TENM3: variants seen among roughly 807,000 people sequenced by gnomAD.
The protein encoded by TENM3 is teneurin transmembrane protein 3, also known as teneurin-3.
TENM3 carries 63 observed loss-of-function variants against 255.1 expected under a neutral mutation model. The ratio of observed to expected loss-of-function variants is 0.25; its 90% CI spans 0.20 to 0.30. The LOEUF is 0.30. Ranked by LOEUF, TENM3 falls within the 10% of genes least tolerant of loss-of-function variation. TENM3 has a pLI of 1.00. For missense variants in TENM3, 2,929 were observed against 3,461.1 expected (o/e 0.85, Z 3.86); for synonymous variants, 1,306 against 1,322.3 (o/e 0.99, Z 0.27).
chr4:182,072,240 T>C, the TENM3 span, among the ~76,000 whole-genome samples: 19 of 152,344 alleles, frequency 1.2e-4, 1 homozygote, highest in Admixed American at 1.2e-3. Context: ...AGCTCTCCAG[T>C]ATTTCTTCTA....
At chr4:181,581,487 T>C in the TENM3 span, among the ~76,000 whole-genome samples, 1 of 152,114 alleles carries the variant, frequency 6.6e-6, no homozygotes, top group South Asian at 2.1e-4. Context: ...AGTTTGTTCT[T>C]CAAATATCCC....
the TENM3 span, among the ~76,000 whole-genome samples, chr4:182,114,310 TAGAATTTAGTCTGAGA>T: frequency 1.2e-5 from 1 of 82,186 alleles, no homozygotes; most frequent in Non-Finnish European, 2.8e-5. Context: ...ATGAAATGCA[TAGAATTTAGTCTGAGA>T]ATTTTTGACA....
chr4:182,030,171 A>T, the TENM3 span, among the ~76,000 whole-genome samples: 493 of 151,918 alleles, frequency 3.2e-3, 5 homozygotes, highest in African/African-American at 0.011. Flanking sequence ...GCACCTATCA[A>T]CCCGTTACCT....
At chr4:181,558,405 A>G in the TENM3 span, among the ~76,000 whole-genome samples, 1 of 152,212 alleles carries the variant, frequency 6.6e-6, no homozygotes, top group Non-Finnish European at 1.5e-5. Flanking sequence ...ATGAATAAAC[A>G]GTTTGGCCAC....
chr4:182,541,719 CA>C (rs1042253022), intron 3 of TENM3, among the ~76,000 whole-genome samples: 25 of 152,030 alleles, frequency 1.6e-4, no homozygotes, highest in African/African-American at 5.6e-4. Flanking sequence ...AGCTCAATAG[CA>C]AAATCTGGTT....
the TENM3 span, among the ~76,000 whole-genome samples, chr4:181,806,242 A>C: frequency 6.6e-6 from 1 of 152,100 alleles, no homozygotes; most frequent in African/African-American, 2.4e-5. Flanking sequence ...CCCATATGTC[A>C]TTGAAGCCCC....
chr4:181,476,526 G>C, the TENM3 span, among the ~76,000 whole-genome samples: 2 of 152,144 alleles, frequency 1.3e-5, no homozygotes, highest in Non-Finnish European at 2.9e-5. Context: ...AGCAGCTTTG[G>C]AAATTCTCTC....
the TENM3 span, among the ~76,000 whole-genome samples, chr4:181,977,303 A>C: frequency 1.3e-5 from 2 of 152,240 alleles, no homozygotes; most frequent in African/African-American, 2.4e-5. Context: ...AGCAAACGCT[A>C]CATTATTGCC....
chr4:182,006,723 A>G, the TENM3 span, among the ~76,000 whole-genome samples: 2 of 149,398 alleles, frequency 1.3e-5, no homozygotes, highest in South Asian at 2.1e-4. Context: ...TCGTGTTTCT[A>G]TCTCTTTCAA....
intron 4 of TENM3, among the ~76,000 whole-genome samples, chr4:182,618,089 T>A (rs532638849): frequency 3.3e-5 from 5 of 152,314 alleles, no homozygotes; most frequent in African/African-American, 1.2e-4. Flanking sequence ...GGAAACAAAC[T>A]ATTTTCTATG....
At chr4:182,592,262 A>G (rs1405374475) in intron 3 of TENM3, among the ~76,000 whole-genome samples, 1 of 152,152 alleles carries the variant, frequency 6.6e-6, no homozygotes, top group Non-Finnish European at 1.5e-5. Flanking sequence ...AACTTTAGAA[A>G]ATCAAGGAGA....
chr4:182,415,556 G>T (rs1031540968), intron 3 of TENM3, among the ~76,000 whole-genome samples: 1 of 152,122 alleles, frequency 6.6e-6, no homozygotes, highest in African/African-American at 2.4e-5. Flanking sequence ...AAGAGAGGGA[G>T]ACTGGGAAGG....
chr4:182,546,697 T>G (rs1436172281), intron 3 of TENM3, among the ~76,000 whole-genome samples: 3 of 152,162 alleles, frequency 2.0e-5, no homozygotes, highest in African/African-American at 7.2e-5. Flanking sequence ...CAACTGAAAA[T>G]AGTCTGGAAA....
the TENM3 span, among the ~76,000 whole-genome samples, chr4:182,089,857 A>G: frequency 3.3e-5 from 5 of 152,228 alleles, no homozygotes; most frequent in Non-Finnish European, 7.3e-5. Flanking sequence ...TACCAATGCT[A>G]CCAAATGTAA....
At chr4:181,596,922 G>A in the TENM3 span, among the ~76,000 whole-genome samples, 4 of 152,192 alleles carry the variant, frequency 2.6e-5, no homozygotes, top group East Asian at 5.8e-4. Flanking sequence ...CATACACTGG[G>A]GCCTTTTGGG....
chr4:182,419,690 A>G (rs967511226), intron 3 of TENM3, among the ~76,000 whole-genome samples: 3 of 152,206 alleles, frequency 2.0e-5, no homozygotes, highest in African/African-American at 4.8e-5. Context: ...CTATGTAGCC[A>G]TGAAAAAGAA....
chr4:181,968,963 TC>T, the TENM3 span, among the ~76,000 whole-genome samples: 1 of 30,766 alleles, frequency 3.3e-5, no homozygotes, highest in South Asian at 9.1e-4. Context: ...ACCTCTCTTG[TC>T]TCTCTCTCTC....
chr4:181,964,591 G>GAA, the TENM3 span, among the ~76,000 whole-genome samples: 23 of 144,232 alleles, frequency 1.6e-4, no homozygotes, highest in East Asian at 6.1e-4. Context: ...AATGTTGCTA[G>GAA]AAAAAAAAAA....
chr4:181,794,357 G>C, the TENM3 span, among the ~76,000 whole-genome samples: 16 of 151,942 alleles, frequency 1.1e-4, no homozygotes, highest in African/African-American at 3.9e-4. Context: ...ATTATTAACT[G>C]TAGTCACCAC....
Sources: allele counts gnomAD v4.1 joint callset (sites outside exome capture counted in the v4.1 genomes callset), GRCh38; gene constraint gnomAD v4.1.1; transcripts MANE v1.5; gene names NCBI Gene and HGNC (gene_info 2026-07-23, HGNC 2026-07-21).